SGCZ: variants seen among roughly 807,000 people sequenced by gnomAD.
SGCZ encodes sarcoglycan zeta.
A neutral mutation model predicts 41.3 loss-of-function variants in SGCZ; 40 were observed. The ratio of observed to expected loss-of-function variants is 0.97; its 90% CI spans 0.75 to 1.26. SGCZ has a LOEUF of 1.26. Ranked by LOEUF, SGCZ falls within the 50% of genes most tolerant of loss-of-function variation. The probability of loss-of-function intolerance (pLI) is 0.00; values close to 1 mark genes in which losing one functional copy is unlikely to be tolerated. For missense variants in SGCZ, 552 were observed against 369.8 expected, an observed-to-expected ratio of 1.49 and a Z score of -4.04; for synonymous variants, 206 against 137.5, an observed-to-expected ratio of 1.50 and a Z score of -3.49.
At chr8:14,554,624 C>A in intron 2 of SGCZ, 108 bp downstream of exon 2, 1 of 907,650 alleles carries the variant, frequency 1.1e-6, no homozygotes, top group South Asian at 2.0e-5. Context: ...TAAAAACACA[C>A]ACTTGTAAAT....
At chr8:14,458,693 C>G (rs1452133438) in intron 2 of SGCZ, among the ~76,000 whole-genome samples, 1 of 152,110 alleles carries the variant, frequency 6.6e-6, no homozygotes, top group African/African-American at 2.4e-5. Flanking sequence ...CTCTATCTAT[C>G]TATCTATATA....
chr8:14,727,889 T>C (rs1208432263), intron 1 of SGCZ, among the ~76,000 whole-genome samples: 1 of 152,200 alleles, frequency 6.6e-6, no homozygotes, highest in Non-Finnish European at 1.5e-5. Context: ...ATTTGTGTTA[T>C]ACACATAATG....
intron 3 of SGCZ, among the ~76,000 whole-genome samples, chr8:14,260,251 CA>C (rs1233658719): frequency 6.6e-6 from 1 of 151,548 alleles, no homozygotes; most frequent in African/African-American, 2.4e-5. Context: ...AATTTACAAG[CA>C]AAAAACAAAC....
chr8:14,259,883 T>A (rs574801567), intron 3 of SGCZ, among the ~76,000 whole-genome samples: 27 of 152,172 alleles, frequency 1.8e-4, no homozygotes, highest in African/African-American at 6.0e-4. Context: ...TGGCACTGAA[T>A]CTGTAAATTA....
intron 1 of SGCZ, among the ~76,000 whole-genome samples, chr8:15,035,559 T>C (rs993848221): frequency 2.0e-5 from 3 of 152,060 alleles, no homozygotes; most frequent in Non-Finnish European, 4.4e-5. Flanking sequence ...ATAGAGTAGC[T>C]AAATAAATGA....
chr8:14,412,172 A>T (rs1278921000), intron 2 of SGCZ, among the ~76,000 whole-genome samples: 1 of 152,086 alleles, frequency 6.6e-6, no homozygotes, highest in Non-Finnish European at 1.5e-5. Context: ...AAAGATAACT[A>T]TGGGCTTTAG....
At chr8:14,618,246 A>G (rs765327404) in intron 1 of SGCZ, among the ~76,000 whole-genome samples, 1 of 152,216 alleles carries the variant, frequency 6.6e-6, no homozygotes, top group African/African-American at 2.4e-5. Flanking sequence ...ATGGTATGTT[A>G]TACAAGGTCT....
Position 14,440,417 on chromosome 8 carries a change from T to C in SGCZ, c.234+114315A>G, listed in dbSNP as rs572016234. On this transcript the variant is annotated intron_variant, in intron 2 of 7. Coordinates refer to ENST00000382080, the MANE Select transcript of SGCZ (RefSeq NM_139167.4). ...AGTGGTCTTCAACATTATTACATTT[T>C]GTCACACTTTTTTCCGCCTGGGTTT... 1.4e-4 allele frequency among the ~76,000 whole-genome samples: 21 copies of C among 152,270 alleles called. 1 individual carries two copies. The highest frequency in any genetic ancestry group is 4.8e-4 in the African/African-American group (20 of 41,576).
intron 3 of SGCZ, among the ~76,000 whole-genome samples, chr8:14,268,820 C>T (rs2117257182): frequency 6.6e-6 from 1 of 151,796 alleles, no homozygotes; most frequent in African/African-American, 2.4e-5. Flanking sequence ...ATAAAACATC[C>T]TCATCTGAAT....
rs117683194 is a variant in SGCZ at position 14,089,069 on chromosome 8, G to C, written c.*1374C>G. On this transcript the variant is annotated 3_prime_UTR_variant, in exon 8 of 8. Transcript: ENST00000382080. ...AGTTTTACATTCTTTGACTCTGTAA[G>C]TTTCAAGAGTTTGAGTTAAGGGGTG... Among the ~76,000 whole-genome samples the C allele has an allele frequency of 5.4e-3, 819 of 152,080 alleles. 28 individuals are homozygous for C. Among genetic ancestry groups the C allele is most frequent in the Admixed American group, 0.042 (634 of 15,236 alleles).
chr8:14,662,867 T>A (rs1411234156), intron 1 of SGCZ, among the ~76,000 whole-genome samples: 1 of 152,008 alleles, frequency 6.6e-6, no homozygotes, highest in East Asian at 1.9e-4. Context: ...TTTCCAGAGT[T>A]TGAAGGTGGA....
At chr8:14,109,376 C>G (rs1053934342) in intron 5 of SGCZ, among the ~76,000 whole-genome samples, 2 of 152,140 alleles carry the variant, frequency 1.3e-5, no homozygotes, top group East Asian at 3.9e-4. Context: ...AAAAAATGTT[C>G]CAAATAAGAT....
At chr8:14,974,614 G>A (rs573261808) in intron 1 of SGCZ, among the ~76,000 whole-genome samples, 1 of 152,232 alleles carries the variant, frequency 6.6e-6, no homozygotes, top group Admixed American at 6.5e-5. Context: ...CCCAACTTCA[G>A]TGTTTTTTGA....
Position 14,842,440 on chromosome 8 carries a change from G to C in SGCZ, c.40-287514C>G, listed in dbSNP as rs73201275. The stretch of plus-strand genomic sequence containing the variant: ...GGATGGAAAGAAAGGGAAGGGAAGG[G>C]ACAGGACAGGAAAAGGGAAAAGGAA... On this transcript the variant is annotated intron_variant, in intron 1 of 7. Transcript: ENST00000382080. Among the ~76,000 whole-genome samples the C allele has an allele frequency of 6.2e-3, 829 of 133,348 alleles. 5 individuals are homozygous for C. Among genetic ancestry groups the C allele is most frequent in the Middle Eastern group, 0.05 (13 of 258 alleles). The allele number at this position is 133,348 out of a possible 152,430, so 87.5% of individuals were successfully genotyped here.
intron 5 of SGCZ, among the ~76,000 whole-genome samples, chr8:14,146,694 G>A (rs1025345225): frequency 6.6e-6 from 1 of 151,310 alleles, no homozygotes; most frequent in African/African-American, 2.4e-5. Flanking sequence ...AAAACAGTGA[G>A]ACCCCGTCTC....
intron 1 of SGCZ, among the ~76,000 whole-genome samples, chr8:15,063,059 T>C (rs1427966279): frequency 1.3e-5 from 2 of 152,150 alleles, no homozygotes; most frequent in African/African-American, 4.8e-5. Context: ...CATACATCTT[T>C]GGTTTGCCTA....
chr8:14,739,989 G>A (rs1799151931), intron 1 of SGCZ, among the ~76,000 whole-genome samples: 1 of 151,950 alleles, frequency 6.6e-6, no homozygotes, highest in Non-Finnish European at 1.5e-5. Flanking sequence ...AGCTCCTTTT[G>A]CAAGCACATC....
chr8:14,705,219 T>C (rs993334548), intron 1 of SGCZ, among the ~76,000 whole-genome samples: 1 of 151,918 alleles, frequency 6.6e-6, no homozygotes, highest in African/African-American at 2.4e-5. Context: ...GTGGTCAATA[T>C]GTAACCTTGG....
intron 1 of SGCZ, among the ~76,000 whole-genome samples, chr8:14,919,028 T>C (rs763439790): frequency 1.8e-4 from 28 of 152,218 alleles, no homozygotes; most frequent in Non-Finnish European, 2.8e-4. Flanking sequence ...TACCCTTTTA[T>C]CATGTCAGTG....
Sources: gnomAD v4.1 joint callset for allele counts (sites outside exome capture counted in the v4.1 genomes callset) on GRCh38, gnomAD v4.1.1 for gene constraint, MANE v1.5 for transcripts, NCBI Gene and HGNC (gene_info 2026-07-23, HGNC 2026-07-21) for gene names.